The following CD244 variants were observed in gnomAD, a reference collection of about 807,000 sequenced individuals.
CD244 encodes CD244 molecule.
A neutral mutation model predicts 45.5 loss-of-function variants in CD244; 20 were observed. The ratio of observed to expected loss-of-function variants is 0.44; its 90% confidence interval spans 0.31 to 0.64. CD244 has a LOEUF of 0.64. Ranked by LOEUF, CD244 falls within the 30% of genes least tolerant of loss-of-function variation. The probability of loss-of-function intolerance (pLI) is 0.08; values close to 1 mark genes in which losing one functional copy is unlikely to be tolerated. For missense variants in CD244, 407 were observed against 426.9 expected (o/e 0.95, Z 0.41); for synonymous variants, 185 against 160.5 (o/e 1.15, Z -1.15).
intron 1 of CD244, chr1:160,848,230 T>C (rs960343106): frequency 7.3e-6 from 4 of 550,270 alleles, no homozygotes; most frequent in Admixed American, 5.7e-5. Context: ...ATGGCACTGG[T>C]GGCAAGTTCA....
In CD244 at chr1:160,831,214, A is replaced by G. The variant is rs183103834; in HGVS notation, c.*133T>C. The G allele has an allele frequency of 1.8e-5, 12 of 680,934 alleles. No homozygotes were observed. In the East Asian group the frequency reaches 2.8e-4, roughly 16 times the overall value. 42.2% of individuals were successfully genotyped at this position (680,934 alleles called of 1,614,324 possible). On this transcript the variant is annotated 3_prime_UTR_variant, in exon 9 of 9. Transcript: ENST00000368034. ...TTAGACATCATTTTCAAAACAAAAT[A>G]TAGAACAAGAACAAATTTCCATATC...
intron 1 of CD244, chr1:160,847,934 A>C (rs934514868): frequency 2.5e-5 from 4 of 159,230 alleles, no homozygotes; most frequent in Admixed American, 1.8e-4. Context: ...TAAATTCATT[A>C]AATAAAAGTG....
intron 1 of CD244, among the ~76,000 whole-genome samples, chr1:160,851,689 C>T (rs1007771819): frequency 1.3e-5 from 2 of 151,880 alleles, no homozygotes; most frequent in African/African-American, 4.8e-5. Flanking sequence ...TATTTTGAGA[C>T]CAGATTATGA....
At chr1:160,847,974 G>T in intron 1 of CD244, 1 of 215,552 alleles carries the variant, frequency 4.6e-6, no homozygotes, top group Non-Finnish European at 9.4e-6. Context: ...TGCTTTGGAG[G>T]TGCCTTCACC....
At chr1:160,840,646 G>T (rs1489511057) in intron 3 of CD244, among the ~76,000 whole-genome samples, 6 of 151,306 alleles carry the variant, frequency 4.0e-5, no homozygotes, top group South Asian at 2.1e-4. Context: ...GAGCTGTATG[G>T]TTTTTTTTTC....
At chr1:160,837,905 G>A (rs1056475808) in intron 5 of CD244, among the ~76,000 whole-genome samples, 12 of 152,230 alleles carry the variant, frequency 7.9e-5, no homozygotes, top group South Asian at 2.1e-4. Flanking sequence ...AAGAGCAGGC[G>A]AGAGGCTCCT....
rs1180374832 is a variant in CD244 at position 160,862,815 on chromosome 1, C to A, written c.-138G>T. The A allele has an allele frequency of 4.6e-6, 3 of 645,904 alleles. No homozygotes were observed. Among genetic ancestry groups the A allele is most frequent in the Non-Finnish European group, 7.9e-6 (3 of 381,106 alleles). 40.0% of individuals were successfully genotyped at this position (645,904 alleles called of 1,614,324 possible). On this transcript the variant is annotated 5_prime_UTR_variant, in exon 1 of 9. Transcript: ENST00000368034. ...GCAACCTGTCCAGCCACAGTTTCCT[C>A]AATTAGAGGCTGTTAACGCCTGCTG...
chr1:160,841,337 G>T lies in CD244; in HGVS notation c.528C>A (p.Asn176Lys). ...RGSKLIQTAG[N>K]LTYLDEEVDI... The stretch of plus-strand genomic sequence containing the variant: ...CAACCTCCTCGTCCAGGTAGGTGAG[G>T]TTCCCTGCTGTCTGGATCAGCTTGC... The change falls in exon 3 of 9, where the codon AAC (asparagine) becomes AAA (lysine). Residue 176 changes from asparagine (N) to lysine (K), a missense_variant. Coordinates refer to ENST00000368034, the MANE Select transcript of CD244 (RefSeq NM_016382.4). 6.2e-7 allele frequency: 1 copy of T among 1,614,180 alleles called. No individual in the cohort carries two copies.
intron 1 of CD244, among the ~76,000 whole-genome samples, chr1:160,860,686 A>C (rs1342713148): frequency 6.6e-6 from 1 of 152,254 alleles, no homozygotes; most frequent in African/African-American, 2.4e-5. Flanking sequence ...ATATACATAC[A>C]GCTAGAGAAA....
intron 1 of CD244, among the ~76,000 whole-genome samples, chr1:160,860,451 A>T (rs992067915): frequency 1.3e-5 from 2 of 152,208 alleles, no homozygotes; most frequent in Admixed American, 1.3e-4. Flanking sequence ...TCAGCAAAAA[A>T]AAAAAATAAA....
chr1:160,850,443 G>A (rs1440155669), intron 1 of CD244, among the ~76,000 whole-genome samples: 1 of 151,954 alleles, frequency 6.6e-6, no homozygotes, highest in East Asian at 1.9e-4. Context: ...AATTATTGCA[G>A]GTTATTTTTA....
intron 4 of CD244, 184 bp from the exon 5 acceptor site, chr1:160,838,702 C>T: frequency 1.6e-6 from 1 of 620,922 alleles, no homozygotes; most frequent in Non-Finnish European, 2.9e-6. Flanking sequence ...GCCCCTCCCA[C>T]ACCTCCTCCC....
intron 1 of CD244, chr1:160,848,515 T>A: frequency 2.2e-6 from 1 of 461,544 alleles, no homozygotes; most frequent in Non-Finnish European, 4.2e-6. Flanking sequence ...CTGATATAAA[T>A]CAAAAGACCC....
intron 1 of CD244, among the ~76,000 whole-genome samples, chr1:160,849,319 T>G (rs1198395270): frequency 6.7e-6 from 1 of 150,270 alleles, no homozygotes; most frequent in Non-Finnish European, 1.5e-5. Context: ...AGTTCTGGGA[T>G]ACGTATGCAG....
chr1:160,838,793 C>A (rs1669422313), intron 4 of CD244, 146 bp downstream of exon 4: 6 of 634,112 alleles, frequency 9.5e-6, no homozygotes, highest in Non-Finnish European at 1.1e-5. Context: ...ACCTGCTTGC[C>A]CCCCGCCACC....
At chr1:160,843,141 A>G (rs1165922292) in intron 1 of CD244, among the ~76,000 whole-genome samples, 1 of 152,216 alleles carries the variant, frequency 6.6e-6, no homozygotes, top group Non-Finnish European at 1.5e-5. Flanking sequence ...TCAAGAGACT[A>G]AGTAAATAAT....
At chr1:160,847,989 A>G (rs754079375) in intron 1 of CD244, 56 of 247,070 alleles carry the variant, frequency 2.3e-4, no homozygotes, top group Non-Finnish European at 3.7e-4. Context: ...TTCACCACCT[A>G]GAGTCTCTTG....
At chr1:160,843,343 C>T (rs1392001241) in intron 1 of CD244, among the ~76,000 whole-genome samples, 1 of 152,188 alleles carries the variant, frequency 6.6e-6, no homozygotes, top group African/African-American at 2.4e-5. Context: ...ACGATCCTAG[C>T]ACTATTTATA....
chr1:160,851,080 G>A (rs570690842), intron 1 of CD244, among the ~76,000 whole-genome samples: 1 of 152,292 alleles, frequency 6.6e-6, no homozygotes, highest in East Asian at 1.9e-4. Flanking sequence ...TGCCTTCCCA[G>A]GGCGTGCCAC....
Sources: gnomAD v4.1 joint callset for allele counts (sites outside exome capture counted in the v4.1 genomes callset) on GRCh38, gnomAD v4.1.1 for gene constraint, MANE v1.5 for transcripts, NCBI Gene and HGNC (gene_info 2026-07-23, HGNC 2026-07-21) for gene names.